The following EIF4E3 variants were observed in gnomAD, a reference collection of about 807,000 sequenced individuals.
EIF4E3 encodes the protein eukaryotic translation initiation factor 4E family member 3, also known as eukaryotic translation initiation factor 4E type 3.
EIF4E3 carries 26 observed loss-of-function variants against 31.7 expected under a neutral mutation model. The observed-to-expected ratio is 0.82, with a 90% CI of 0.60 to 1.14. The LOEUF (loss-of-function observed/expected upper bound fraction) is 1.14, where lower values mean the gene tolerates loss of function less well. Ranked by LOEUF, EIF4E3 falls within the 50% of genes most tolerant of loss-of-function variation. EIF4E3 has a pLI of 0.00. For missense variants in EIF4E3, 304 were observed against 270.9 expected, an observed-to-expected ratio of 1.12 and a Z score of -0.86; for synonymous variants, 128 against 107.7, an observed-to-expected ratio of 1.19 and a Z score of -1.17.
In EIF4E3 at chr3:71,737,075, T is replaced by G. The variant is rs561555640; in HGVS notation, c.-290-8452A>C. 1.2e-4 allele frequency among the ~76,000 whole-genome samples: 19 copies of G among 152,332 alleles called. No individual in the cohort carries two copies. The South Asian group carries it at 2.9e-3, about 23-fold the overall frequency. Reference sequence around the variant, plus strand: ...TTCACATATCAACCTGATGAGGTATTAACAAGTATGATTATCATCTCCCAC... The same window carrying G: ...TTCACATATCAACCTGATGAGGTATGAACAAGTATGATTATCATCTCCCAC... On this transcript the variant is annotated intron_variant, in intron 1 of 7. Transcript: ENST00000295612.
At chr3:71,700,612 T>TAA (rs377334249) in intron 2 of EIF4E3, among the ~76,000 whole-genome samples, 11,094 of 127,186 alleles carry the variant, frequency 0.087, 541 homozygotes, top group Non-Finnish European at 0.1. Context: ...AGACTCCGTT[T>TAA]AAAAAAAAAA....
intron 6 of EIF4E3, among the ~76,000 whole-genome samples, chr3:71,685,890 C>A (rs755539806): frequency 1.3e-5 from 2 of 152,212 alleles, no homozygotes; most frequent in African/African-American, 4.8e-5. Flanking sequence ...ATCCCCAACA[C>A]GCTACCCACA....
intron 1 of EIF4E3, among the ~76,000 whole-genome samples, chr3:71,714,501 G>C (rs73837564): frequency 6.6e-6 from 1 of 152,088 alleles, no homozygotes; most frequent in Non-Finnish European, 1.5e-5. Flanking sequence ...TAGTGATGTC[G>C]GAAGTACTGA....
chr3:71,665,594 C>G, the EIF4E3 span, among the ~76,000 whole-genome samples: 85 of 152,278 alleles, frequency 5.6e-4, no homozygotes, highest in East Asian at 0.016. Flanking sequence ...CCTTCTGGAC[C>G]AAGTGGTCCT....
At chr3:71,723,188 T>C (rs2049577795) in intron 1 of EIF4E3, among the ~76,000 whole-genome samples, 1 of 152,184 alleles carries the variant, frequency 6.6e-6, no homozygotes, top group Admixed American at 6.5e-5. Context: ...GAATGTTGTT[T>C]ACCTGGGGAG....
At chr3:71,700,439 C>T (rs1028372862) in intron 2 of EIF4E3, among the ~76,000 whole-genome samples, 7 of 151,592 alleles carry the variant, frequency 4.6e-5, no homozygotes, top group Admixed American at 1.3e-4. Flanking sequence ...ATGGTGAAAC[C>T]CCATCTCTAC....
At chr3:71,736,962 C>T (rs1161939713) in intron 1 of EIF4E3, among the ~76,000 whole-genome samples, 1 of 152,142 alleles carries the variant, frequency 6.6e-6, no homozygotes, top group Admixed American at 6.5e-5. Context: ...GAACCTGAAA[C>T]TGCTCTAAAA....
intron 1 of EIF4E3, among the ~76,000 whole-genome samples, chr3:71,736,738 T>C (rs1439241214): frequency 6.6e-6 from 1 of 152,240 alleles, no homozygotes; most frequent in Non-Finnish European, 1.5e-5. Flanking sequence ...ATACATGTCA[T>C]TGGACACTCA....
At chr3:71,710,544 C>T (rs2049363545) in intron 1 of EIF4E3, 60 bp from the exon 2 acceptor site, 5 of 1,500,396 alleles carry the variant, frequency 3.3e-6, no homozygotes, top group Middle Eastern at 2.0e-4. Context: ...GCTCACAAAA[C>T]AGCCCACAGT....
rs753276210 is a variant in EIF4E3, at chr3:71,693,857, A to G, written c.472+18T>C. 4.6e-6 allele frequency: 7 copies of G among 1,533,818 alleles called. No individual in the cohort carries two copies. The highest frequency in any genetic ancestry group is 1.7e-4 in the Middle Eastern group (1 of 5,838). On this transcript the variant is annotated intron_variant, in intron 5 of 6. Coordinates refer to ENST00000425534, the MANE Select transcript of EIF4E3 (RefSeq NM_001134651.2). ...GAGCACACGAGGCAGGGCCGGCCGG[A>G]GCCGTGGGCTGCTTTACCTGCTGCG...
chr3:71,703,075 A>T (rs775932099), intron 2 of EIF4E3, among the ~76,000 whole-genome samples: 19 of 152,254 alleles, frequency 1.2e-4, no homozygotes, highest in Non-Finnish European at 2.1e-4. Flanking sequence ...AAAACTAAGC[A>T]CAATGTTTAT....
chr3:71,752,557 A>G (rs1003049084), intron 1 of EIF4E3, among the ~76,000 whole-genome samples: 31 of 152,172 alleles, frequency 2.0e-4, no homozygotes, highest in Non-Finnish European at 4.3e-4. Flanking sequence ...CACAGAAGAA[A>G]AAACAAATGA....
chr3:71,665,361 T>C, the EIF4E3 span, among the ~76,000 whole-genome samples: 2 of 152,248 alleles, frequency 1.3e-5, no homozygotes, highest in Non-Finnish European at 2.9e-5. Context: ...GGTTAGTTTA[T>C]AAATGTTAAC....
At chr3:71,696,590 T>C in intron 3 of EIF4E3, 70 bp from the exon 4 acceptor site, 1 of 1,552,378 alleles carries the variant, frequency 6.4e-7, no homozygotes. Context: ...AGATTAAATA[T>C]CTCTTCATAC....
chr3:71,731,584 C>T (rs1333751682), intron 1 of EIF4E3, among the ~76,000 whole-genome samples: 2 of 152,234 alleles, frequency 1.3e-5, no homozygotes, highest in African/African-American at 4.8e-5. Flanking sequence ...CAGGGCCTGT[C>T]CATGGCTGGC....
upstream of EIF4E3, chr3:71,754,593 G>T: frequency 7.0e-7 from 1 of 1,420,680 alleles, no homozygotes; most frequent in Non-Finnish European, 9.2e-7. This position sits in a 1 kb window ranked among gnomAD's most constrained non-coding sequence, Gnocchi z 5.8. Context: ...CGGCGCCCCC[G>T]GCGCGCTGGG....
chr3:71,714,250 G>A (rs190556095), intron 1 of EIF4E3, among the ~76,000 whole-genome samples: 7,687 of 115,098 alleles, frequency 0.067, 227 homozygotes, highest in Non-Finnish European at 0.074. Flanking sequence ...GGAAAGGAAG[G>A]AAGGAAGGAA....
At chr3:71,710,378 G>A (rs765813293) in intron 2 of EIF4E3, 34 bp downstream of exon 2, 188 of 1,543,996 alleles carry the variant, frequency 1.2e-4, no homozygotes, top group Middle Eastern at 1.7e-4. Flanking sequence ...GACGTGTGCC[G>A]TGTTAATCCA....
intron 1 of EIF4E3, among the ~76,000 whole-genome samples, chr3:71,717,953 T>C (rs1443332607): frequency 6.6e-6 from 1 of 152,236 alleles, no homozygotes; most frequent in Non-Finnish European, 1.5e-5. Flanking sequence ...TGGTACAGTA[T>C]ATCCAATTAC....
Sources: allele counts gnomAD v4.1 joint callset (sites outside exome capture counted in the v4.1 genomes callset), GRCh38; gene constraint gnomAD v4.1.1; non-coding constraint Gnocchi (gnomAD v3.1); transcripts MANE v1.5; gene names NCBI Gene and HGNC (gene_info 2026-07-23, HGNC 2026-07-21).